Variants in PRB4 observed in about 807,000 individuals in gnomAD.
PRB4 encodes basic salivary proline-rich protein 4.
A neutral mutation model predicts 9.1 loss-of-function variants in PRB4; 14 were observed. The observed-to-expected ratio is 1.54, with a 90% CI of 1.02 to 2.41. PRB4 has a LOEUF of 2.41. Among genes scored for constraint, PRB4 ranks in the 30% most tolerant of loss-of-function variants. The probability of loss-of-function intolerance (pLI) is 0.00; values close to 1 mark genes in which losing one functional copy is unlikely to be tolerated. For missense variants in PRB4, 381 were observed against 299.3 expected (o/e 1.27, Z -2.02); for synonymous variants, 102 against 108.5 (o/e 0.94, Z 0.37).
In PRB4 at chr12:11,309,364, A is replaced by G. The variant is rs761698265; in HGVS notation, c.100+6T>C. On this transcript the variant is annotated splice_donor_region_variant and intron_variant, in intron 2 of 3. Transcript: ENST00000279575. ...CAAAACAGATTGAGAATGAATTGGG[A>G]TTTACCTGATATTAGGAAGAGAGAT... 2 of 1,614,136 alleles carry G rather than the reference A, an allele frequency of 1.2e-6. No homozygotes were observed. Among genetic ancestry groups the G allele is most frequent in the Non-Finnish European group, 8.5e-7 (1 of 1,179,984 alleles).
chr12:11,308,833 G>C lies in PRB4; in HGVS notation c.150C>G (p.Pro50=). Residue 50 remains proline (P), a synonymous_variant, in exon 3 of 4, where the codon CCC becomes CCG. Coordinates refer to ENST00000279575, the MANE Select transcript of PRB4 (RefSeq NM_002723.6). The stretch of plus-strand genomic sequence containing the variant: ...CTTGTGGCTTTCCTGGAGGAGGTGG[G>C]GGACGTTGGGGCTGGTTTCCTCCTT... ...RPQGGNQPQR[P]PPPPGKPQGP... The C allele has an allele frequency of 1.3e-6, 2 of 1,592,552 alleles. No homozygotes were observed. Among genetic ancestry groups the C allele is most frequent in the Non-Finnish European group, 1.7e-6 (2 of 1,167,030 alleles).
Position 11,308,399 on chromosome 12 carries a change from T to C in PRB4, c.584A>G (p.Gln195Arg). The change falls in exon 3 of 4, where the codon CAA becomes CGA. Residue 195 changes from glutamine to arginine, a missense_variant. This residue lies in a region of PRB4 where 204 missense variants were observed against 134.4 expected (regional missense o/e 1.52). Coordinates refer to ENST00000279575, the MANE Select transcript of PRB4 (RefSeq NM_002723.6). ...TGGCTTTCCAGGAGGTGGGGGACCT[T>C]GAGGCTTGTTGCCTTCTTGTTGGGG... ...GPPQQEGNKP[Q>R]GPPPPGKPQG... 6.2e-7 allele frequency: 1 copy of C among 1,612,532 alleles called. No individual in the cohort carries two copies. The highest frequency in any genetic ancestry group is 8.5e-7 in the Non-Finnish European group (1 of 1,179,160).
chr12:11,309,498 C>A (rs1863004550), intron 1 of PRB4, 93 bp from the exon 2 acceptor site: 2 of 1,605,736 alleles, frequency 1.2e-6, no homozygotes, highest in Non-Finnish European at 1.7e-6. Context: ...TCTCACCACA[C>A]CCCATGCATC....
Position 11,308,117 on chromosome 12 carries a change from C to T in PRB4, c.*18+104G>A. 4 of 1,366,032 alleles carry T rather than the reference C, an allele frequency of 2.9e-6. No individual in the cohort carries two copies. In the East Asian group the frequency reaches 6.9e-5, roughly 24 times the overall value. 84.6% of individuals were successfully genotyped at this position (1,366,032 alleles called of 1,614,324 possible). A position where few individuals can be genotyped will look rare whatever the true frequency, so the allele number is the denominator to read the frequency against. On this transcript the variant is annotated intron_variant, in intron 3 of 3. Coordinates refer to ENST00000279575, the MANE Select transcript of PRB4 (RefSeq NM_002723.6). ...GAATACAAATTTTTAGAAATGGGTT[C>T]TAGGACAATACAATGTCAATGGGTT...
chr12:11,309,549 GA>G, intron 1 of PRB4, 144 bp from the exon 2 acceptor site: 1 of 1,480,738 alleles, frequency 6.8e-7, no homozygotes, highest in Middle Eastern at 1.9e-4. Context: ...GAAGGTGCTG[GA>G]AGGGGTGGAA....
At chr12:11,309,760 T>G (rs1863009697) in intron 1 of PRB4, among the ~76,000 whole-genome samples, 1 of 152,222 alleles carries the variant, frequency 6.6e-6, no homozygotes, top group South Asian at 2.1e-4. Context: ...ACACATGTTT[T>G]CTCAATAGGG....
chr12:11,309,450 C>T (rs1287735814), intron 1 of PRB4, 45 bp from the exon 2 acceptor site: 2 of 1,613,856 alleles, frequency 1.2e-6, no homozygotes, highest in Non-Finnish European at 1.7e-6. Context: ...CATCTCAAAT[C>T]TTCAAGACTC....
In PRB4 at chr12:11,308,322, C is replaced by G; in HGVS notation, c.661G>C (p.Ala221Pro). 1 of 1,608,490 alleles carries G rather than the reference C, an allele frequency of 6.2e-7. No individual in the cohort carries two copies. The change falls in exon 3 of 4, where the codon GCT becomes CCT. Residue 221 changes from alanine to proline, a missense_variant. Physicochemically the swap from Ala to Pro is conservative, Grantham distance 27. Coordinates refer to ENST00000279575, the MANE Select transcript of PRB4 (RefSeq NM_002723.6). ...GNPQQPQAPP[A>P]GKPQGPPPPP... is the part of the protein sequence containing the mutation. The stretch of plus-strand genomic sequence containing the variant: ...GGAGGTGGCCCCTGGGGCTTTCCAG[C>G]AGGAGGTGCCTGAGGCTGCTGGGGA...
rs1281014092 is a variant in PRB4, at chr12:11,310,343, G to T, written c.56C>A (p.Ser19Ter). 1 of 1,614,138 alleles carries T rather than the reference G, an allele frequency of 6.2e-7. No homozygotes were observed. Among genetic ancestry groups the T allele is most frequent in the Middle Eastern group, 1.6e-4 (1 of 6,062 alleles). ...ALLALSSAES[S>*]SEDVSQEESL... ...TCCCCCTTCTGTTTTACCTTCACTTGAACTCTCAGCTGAGCTCAGGGCCAG... is the reference window on the plus strand; with the variant it reads ...TCCCCCTTCTGTTTTACCTTCACTTTAACTCTCAGCTGAGCTCAGGGCCAG... Residue 19 changes from serine (S) to a stop codon, truncating the protein, a stop_gained, in exon 1 of 4, where the codon TCA becomes TAA. Transcript: ENST00000279575. LOFTEE classifies it high-confidence loss of function.
chr12:11,307,883 C>A (rs1472568709), intron 3 of PRB4, among the ~76,000 whole-genome samples: 1 of 152,200 alleles, frequency 6.6e-6, no homozygotes, highest in Non-Finnish European at 1.5e-5. Flanking sequence ...TGAGGCAGGA[C>A]TGAGCAAATG....
intron 2 of PRB4, 68 bp from the exon 3 acceptor site, chr12:11,308,950 A>G: frequency 6.3e-7 from 1 of 1,583,780 alleles, no homozygotes; most frequent in Non-Finnish European, 8.7e-7. Flanking sequence ...TAATGGAGCT[A>G]AATGGGGAAA....
Position 11,308,882 on chromosome 12 carries a change from C to T in PRB4, c.101G>A (p.Gly34Glu), listed in dbSNP as rs141041844. Reference sequence around the variant, plus strand: ...TTGTGGGCGTCGTCCTTCTGGCTTTCCTGGAGGAGGTGGGGGACATACGGC... The same window carrying T: ...TTGTGGGCGTCGTCCTTCTGGCTTTTCTGGAGGAGGTGGGGGACATACGGC... The part of the protein sequence containing the change: ...SQEESLFLIS[G>E]KPEGRRPQGG... Residue 34 changes from glycine (G) to glutamate (E), a missense_variant and splice_region_variant, in exon 3 of 4, where the codon GGA becomes GAA. Physicochemically the swap from Gly to Glu is moderately conservative, Grantham distance 98. Around this residue, in one of 3 missense-constraint regions of PRB4, gnomAD observed 151 missense variants for 105.8 expected, o/e 1.43. Coordinates refer to ENST00000279575, the MANE Select transcript of PRB4 (RefSeq NM_002723.6). 71 of 1,583,324 alleles carry T rather than the reference C, an allele frequency of 4.5e-5. No homozygotes were observed. In the African/African-American group the frequency reaches 6.6e-4, roughly 15 times the overall value.
Position 11,308,901 on chromosome 12 carries a change from A to C in PRB4, c.101-19T>G. On this transcript the variant is annotated intron_variant, in intron 2 of 3. Transcript: ENST00000279575. ...GGCTTTCCTGGAGGAGGTGGGGGAC[A>C]TACGGCATTCACTGAATAGTTGCCA... 6.3e-7 allele frequency: 1 copy of C among 1,580,606 alleles called. No individual in the cohort carries two copies. The highest frequency in any genetic ancestry group is 8.6e-7 in the Non-Finnish European group (1 of 1,156,222).
chr12:11,310,185 G>A, intron 1 of PRB4, 150 bp downstream of exon 1: 9 of 944,020 alleles, frequency 9.5e-6, no homozygotes, highest in Non-Finnish European at 1.6e-5. Context: ...AGTCCTTATT[G>A]TGGAATGAGG....
chr12:11,308,265 C>T lies in PRB4; in HGVS notation c.718G>A (p.Ala240Thr). ...TACTGGGGAGGCTGTTGTCCCTGGG[C>T]AGGTCTGGGTGGCCTGCCCCCTTGA... ...PPQGGRPPRP[A>T]QGQQPPQ Residue 240 changes from alanine (A) to threonine (T), a missense_variant, in exon 3 of 4, where the codon GCC becomes ACC. Ala to Thr is a moderately conservative substitution (Grantham distance 58). This residue lies in a region of PRB4 where 204 missense variants were observed against 134.4 expected (regional missense o/e 1.52). Transcript: ENST00000279575. The T allele has an allele frequency of 6.2e-7, 1 of 1,610,208 alleles. No homozygotes were observed. Among genetic ancestry groups the T allele is most frequent in the Non-Finnish European group, 8.5e-7 (1 of 1,178,372 alleles).
rs375278204 is a variant in PRB4 at position 11,308,307 on chromosome 12, C to T, written c.676G>A (p.Gly226Arg). ...CCCCCTTGAGGAGGTGGAGGTGGCCCCTGGGGCTTTCCAGCAGGAGGTGCC... is the reference window on the plus strand; with the variant it reads ...CCCCCTTGAGGAGGTGGAGGTGGCCTCTGGGGCTTTCCAGCAGGAGGTGCC... The part of the protein sequence containing the change: ...PQAPPAGKPQ[G>R]PPPPPQGGRP... Residue 226 changes from glycine (G) to arginine (R), a missense_variant, in exon 3 of 4, where the codon GGG becomes AGG. Transcript: ENST00000279575. 3.1e-6 allele frequency: 5 copies of T among 1,610,164 alleles called. No homozygotes were observed. The African/African-American group carries it at 4.0e-5, about 13-fold the overall frequency.
chr12:11,310,247 G>A, intron 1 of PRB4, 88 bp downstream of exon 1: 4 of 1,547,976 alleles, frequency 2.6e-6, no homozygotes, highest in Middle Eastern at 1.7e-4. Context: ...CCCCATCTGT[G>A]TTTTCATTCT....
chr12:11,309,039 G>T (rs149726614), intron 2 of PRB4, among the ~76,000 whole-genome samples, 157 bp from the exon 3 acceptor site: 3 of 75,264 alleles, frequency 4.0e-5, no homozygotes, highest in South Asian at 7.8e-4. Flanking sequence ...AACGCTGGGG[G>T]AAAAGGGAGA....
chr12:11,308,331 C>A lies in PRB4; in HGVS notation c.652G>T (p.Ala218Ser). ...PAGGNPQQPQ[A>S]PPAGKPQGPP... ...CCCTGGGGCTTTCCAGCAGGAGGTGCCTGAGGCTGCTGGGGATTGCCTCCT... is the reference window on the plus strand; with the variant it reads ...CCCTGGGGCTTTCCAGCAGGAGGTGACTGAGGCTGCTGGGGATTGCCTCCT... Residue 218 changes from alanine to serine, a missense_variant, in exon 3 of 4, where the codon GCA becomes TCA. Around this residue, in one of 3 missense-constraint regions of PRB4, gnomAD observed 204 missense variants for 134.4 expected, o/e 1.52. Coordinates refer to ENST00000279575, the MANE Select transcript of PRB4 (RefSeq NM_002723.6). The A allele has an allele frequency of 6.2e-7, 1 of 1,609,166 alleles. No homozygotes were observed. Among genetic ancestry groups the A allele is most frequent in the Non-Finnish European group, 8.5e-7 (1 of 1,176,680 alleles).
Sources: allele counts gnomAD v4.1 joint callset (sites outside exome capture counted in the v4.1 genomes callset), GRCh38; gene constraint gnomAD v4.1.1; regional missense constraint gnomAD v4.1.1; transcripts MANE v1.5; gene names NCBI Gene and HGNC (gene_info 2026-07-23, HGNC 2026-07-21).